Variants in SORL1 observed in about 807,000 individuals in gnomAD.
SORL1 encodes sortilin-related receptor.
In SORL1, 127 loss-of-function variants were observed where a neutral mutation model predicts 273.7. The ratio of observed to expected loss-of-function variants is 0.46; its 90% CI spans 0.40 to 0.54. SORL1 has a LOEUF of 0.54. Among genes scored for constraint, SORL1 ranks in the 20% least tolerant of loss-of-function variants. SORL1 has a pLI of 0.00. For missense variants in SORL1, 2,494 were observed against 2,846.1 expected (o/e 0.88, Z 2.81); for synonymous variants, 1,031 against 1,067.4 (o/e 0.97, Z 0.66).
At chr11:121,568,940 A>T (rs1757633679) in intron 22 of SORL1, among the ~76,000 whole-genome samples, 1 of 152,152 alleles carries the variant, frequency 6.6e-6, no homozygotes, top group South Asian at 2.1e-4. Flanking sequence ...CCCCTTTACC[A>T]TCATGTTACT....
At chr11:121,594,377 T>C (rs1057130762) in intron 31 of SORL1, among the ~76,000 whole-genome samples, 11 of 152,164 alleles carry the variant, frequency 7.2e-5, no homozygotes, top group Non-Finnish European at 1.5e-4. Flanking sequence ...ATATATTGTC[T>C]CCTGATCTGG....
chr11:121,486,779 G>A (rs560758912), intron 3 of SORL1, among the ~76,000 whole-genome samples: 308 of 152,228 alleles, frequency 2.0e-3, no homozygotes, highest in African/African-American at 7.0e-3. Flanking sequence ...GCGCCCGGCG[G>A]TGAGACTCTG....
intron 25 of SORL1, among the ~76,000 whole-genome samples, chr11:121,579,870 A>G (rs1193458336): frequency 2.0e-5 from 3 of 152,308 alleles, no homozygotes; most frequent in East Asian, 3.9e-4. Flanking sequence ...ATGAGTGGCA[A>G]ACTCTTTCAA....
At chr11:121,584,795 T>G (rs2134890998) in intron 26 of SORL1, among the ~76,000 whole-genome samples, 1 of 152,286 alleles carries the variant, frequency 6.6e-6, no homozygotes, top group Non-Finnish European at 1.5e-5. Flanking sequence ...GTTTTCGCCA[T>G]GTGGCTCAGG....
chr11:121,632,144 AG>A lies in SORL1; in HGVS notation c.*2583del, dbSNP rs1174216345. 3.4e-4 allele frequency: 52 copies of A among 152,254 alleles called. No individual in the cohort carries two copies. The highest frequency in any genetic ancestry group is 1.3e-3 in the African/African-American group (52 of 41,552). The allele number at this position is 152,254 out of a possible 1,614,324, so 9.4% of individuals were successfully genotyped here. A position where few individuals can be genotyped will look rare whatever the true frequency, so the allele number is the denominator to read the frequency against. ...CAGAAGTTCACACTGTGCAGGAAAA[AG>A]GTTTTATTCTCTCCTGGCATACATT... On this transcript the variant is annotated 3_prime_UTR_variant, in exon 48 of 48. Coordinates refer to ENST00000260197, the MANE Select transcript of SORL1 (RefSeq NM_003105.6).
chr11:121,452,465 AC>A lies in SORL1; in HGVS notation c.136del (p.Arg46GlyfsTer53). The A allele has an allele frequency of 6.6e-7, 1 of 1,507,674 alleles. No individual in the cohort carries two copies. The highest frequency in any genetic ancestry group is 8.9e-7 in the Non-Finnish European group (1 of 1,129,186). The allele number at this position is 1,507,674 out of a possible 1,614,324, so 93.4% of individuals were successfully genotyped here. A position where few individuals can be genotyped will look rare whatever the true frequency, so the allele number is the denominator to read the frequency against. ...LHGGSAPLPQ[D>X]RGFLVVQGDP... ...GGCGGCAGCGCGCCCTTGCCCCAGG[AC>A]CGGGGCTTCCTCGTGGTGCAGGGCG... On this transcript the variant is annotated frameshift_variant, in exon 1 of 48. Transcript: ENST00000260197. LOFTEE classifies it high-confidence loss of function. This position sits in a 1 kb window ranked among gnomAD's most constrained non-coding sequence, Gnocchi z 5.3.
In SORL1 at chr11:121,627,026, C is replaced by G. The variant is rs949784189; in HGVS notation, c.6365-529C>G. ...TGTTTTTCTCCCTCACTCTCTTTTT[C>G]ACTTAAGTGAAAAACCTCATAAAAC... On this transcript the variant is annotated intron_variant, in intron 46 of 47. Transcript: ENST00000260197. The surrounding 1 kb of genome is among the most constrained non-coding windows in gnomAD (Gnocchi z 4.9). The G allele has an allele frequency of 1.3e-5, 2 of 153,570 alleles. No individual in the cohort carries two copies. The highest frequency in any genetic ancestry group is 4.8e-5 in the African/African-American group (2 of 41,438). 9.5% of individuals were successfully genotyped at this position (153,570 alleles called of 1,614,324 possible).
At chr11:121,562,814 A>G (rs1482465026) in intron 21 of SORL1, among the ~76,000 whole-genome samples, 1 of 152,182 alleles carries the variant, frequency 6.6e-6, no homozygotes, top group East Asian at 1.9e-4. Context: ...GTAAGAACGA[A>G]CCTTCTATCT....
chr11:121,575,981 G>A (rs533988582), intron 24 of SORL1, among the ~76,000 whole-genome samples: 6 of 152,226 alleles, frequency 3.9e-5, no homozygotes, highest in South Asian at 2.1e-4. Context: ...GGTCCTCTTC[G>A]TAAGTTTCCA....
chr11:121,593,990 CTTAATTGATAG>C (rs1440902798), intron 31 of SORL1, among the ~76,000 whole-genome samples: 1 of 152,142 alleles, frequency 6.6e-6, no homozygotes, highest in East Asian at 1.9e-4. Context: ...TGTCTTCAGA[CTTAATTGATAG>C]TTGGGCTGGG....
chr11:121,572,636 C>T (rs888436781), intron 23 of SORL1, among the ~76,000 whole-genome samples: 1 of 152,056 alleles, frequency 6.6e-6, no homozygotes, highest in Non-Finnish European at 1.5e-5. Context: ...GGAGCTGGAC[C>T]GCAGTGACTG....
At position 121,554,775 on chromosome 11, in the gene SORL1, G is replaced by A. The variant is rs751713562; in HGVS notation, c.2440-412G>A. On this transcript the variant is annotated intron_variant, in intron 17 of 47. Coordinates refer to ENST00000260197, the MANE Select transcript of SORL1 (RefSeq NM_003105.6). This position sits in a 1 kb window ranked among gnomAD's most constrained non-coding sequence, Gnocchi z 4.6. ...GAGCTGTCCAACAATAGCACTTGAT[G>A]GCTAAGAGCCTCACAGGGAAGAAAG... Among the ~76,000 whole-genome samples the A allele has an allele frequency of 2.5e-4, 38 of 152,156 alleles. No individual in the cohort carries two copies. Among genetic ancestry groups the A allele is most frequent in the Non-Finnish European group, 4.7e-4 (32 of 68,036 alleles).
chr11:121,616,002 T>C (rs1477216017), intron 41 of SORL1, among the ~76,000 whole-genome samples: 1 of 152,196 alleles, frequency 6.6e-6, no homozygotes, highest in African/African-American at 2.4e-5. Context: ...TAACAGCCTC[T>C]GCTCTTTTGT....
chr11:121,608,154 C>T lies in SORL1; in HGVS notation c.5217C>T (p.Ser1739=). 6.2e-7 allele frequency: 1 copy of T among 1,613,694 alleles called. No individual in the cohort carries two copies. Among genetic ancestry groups the T allele is most frequent in the African/African-American group, 1.3e-5 (1 of 75,040 alleles). ...TAGGAAACTGGAGCGATTCTAAATCCATTACCACCATAAAAGGAAAAGGTA... is the reference window on the plus strand; with the variant it reads ...TAGGAAACTGGAGCGATTCTAAATCTATTACCACCATAAAAGGAAAAGGTA... ...RGIGNWSDSK[S]ITTIKGKVIP... The change falls in exon 38 of 48, where the codon TCC becomes TCT. Residue 1739 remains serine, a synonymous_variant. Transcript: ENST00000260197.
At chr11:121,616,540 C>T (rs1016016178) in intron 41 of SORL1, among the ~76,000 whole-genome samples, 2 of 152,114 alleles carry the variant, frequency 1.3e-5, no homozygotes, top group African/African-American at 4.8e-5. Flanking sequence ...GTGATGTCAT[C>T]CTCCCTCTGT....
intron 25 of SORL1, among the ~76,000 whole-genome samples, chr11:121,579,068 C>T (rs1284248175): frequency 6.6e-6 from 1 of 152,220 alleles, no homozygotes; most frequent in African/African-American, 2.4e-5. Context: ...AACTGCCTTA[C>T]TCAAATTTGC....
chr11:121,581,050 C>A (rs1417423354), intron 25 of SORL1, among the ~76,000 whole-genome samples: 3 of 151,920 alleles, frequency 2.0e-5, no homozygotes, highest in Non-Finnish European at 4.4e-5. Context: ...GTAGCTGGGA[C>A]TACAGATGTG....
At chr11:121,465,818 C>T (rs1165837468) in intron 1 of SORL1, among the ~76,000 whole-genome samples, 2 of 152,200 alleles carry the variant, frequency 1.3e-5, no homozygotes, top group African/African-American at 2.4e-5. Context: ...TGAACCACCA[C>T]GCCCGGCTGG....
At position 121,522,986 on chromosome 11, in the gene SORL1, A is replaced by T. The variant is rs1268500725; in HGVS notation, c.1593A>T (p.Arg531=). The T allele has an allele frequency of 1.6e-5, 25 of 1,610,554 alleles. No homozygotes were observed. The highest frequency in any genetic ancestry group is 2.1e-5 in the Non-Finnish European group (25 of 1,176,866). Residue 531 remains arginine, a synonymous_variant, in exon 11 of 48, where the codon CGA becomes CGT. Coordinates refer to ENST00000260197, the MANE Select transcript of SORL1 (RefSeq NM_003105.6). ...YISSSAGARW[R]EALPGPHYYT... is the part of the protein sequence containing the mutation. ...CTAGCAGTGCTGGAGCCAGGTGGCGAGAGGTCAGCCCCCTCCCCCAATCCC... is the reference window on the plus strand; with the variant it reads ...CTAGCAGTGCTGGAGCCAGGTGGCGTGAGGTCAGCCCCCTCCCCCAATCCC...
Sources: gnomAD v4.1 joint callset for allele counts (sites outside exome capture counted in the v4.1 genomes callset) on GRCh38, gnomAD v4.1.1 for gene constraint, Gnocchi (gnomAD v3.1) non-coding constraint, MANE v1.5 for transcripts, NCBI Gene and HGNC (gene_info 2026-07-23, HGNC 2026-07-21) for gene names.